The following CNTN4 variants were observed in gnomAD, a reference collection of about 807,000 sequenced individuals.
CNTN4 encodes contactin 4.
A neutral mutation model predicts 122.5 loss-of-function variants in CNTN4; 77 were observed. That is an observed-to-expected ratio of 0.63 (90% CI 0.52 to 0.76). CNTN4 has a LOEUF of 0.76. CNTN4 is among the 30% of genes least tolerant of loss of function. The probability of loss-of-function intolerance (pLI) is 0.00; values close to 1 mark genes in which losing one functional copy is unlikely to be tolerated. For missense variants in CNTN4, 1,256 were observed against 1,259.1 expected (o/e 1.00, Z 0.04); for synonymous variants, 512 against 447.0 (o/e 1.15, Z -1.83).
intron 4 of CNTN4, among the ~76,000 whole-genome samples, chr3:2,677,174 T>TAGAC (rs2084900263): frequency 6.6e-6 from 1 of 150,422 alleles, no homozygotes; most frequent in African/African-American, 2.4e-5. Context: ...GATAGATAGA[T>TAGAC]GTGTATATAT....
At chr3:2,671,293 T>G (rs2084498605) in intron 4 of CNTN4, among the ~76,000 whole-genome samples, 1 of 152,220 alleles carries the variant, frequency 6.6e-6, no homozygotes, top group South Asian at 2.1e-4. Context: ...TCATTTCATT[T>G]TATTCTTTTT....
At chr3:2,608,346 G>A (rs1198174921) in intron 4 of CNTN4, among the ~76,000 whole-genome samples, 1 of 152,168 alleles carries the variant, frequency 6.6e-6, no homozygotes, top group South Asian at 2.1e-4. Context: ...TGCAGCCCCA[G>A]CTACTCAGGA....
chr3:2,119,133 A>G (rs1413548083), intron 2 of CNTN4, among the ~76,000 whole-genome samples: 1 of 152,190 alleles, frequency 6.6e-6, no homozygotes, highest in East Asian at 1.9e-4. Flanking sequence ...AAAAAAACTG[A>G]TCTCCCAGGA....
chr3:2,661,169 G>A (rs1006091548), intron 4 of CNTN4, among the ~76,000 whole-genome samples: 1 of 152,170 alleles, frequency 6.6e-6, no homozygotes, highest in East Asian at 1.9e-4. Context: ...AGACTAAGAT[G>A]ACAAAGGAAA....
Position 3,050,763 on chromosome 3 carries a change from C to CAAAA in CNTN4, c.2812-3027_2812-3024dup, listed in dbSNP as rs1184756504. 1.5e-4 allele frequency among the ~76,000 whole-genome samples: 13 copies of CAAAA among 85,006 alleles called. 1 individual carries two copies. Among genetic ancestry groups the CAAAA allele is most frequent in the Non-Finnish European group, 1.9e-4 (9 of 47,408 alleles). 55.8% of individuals were successfully genotyped at this position (85,006 alleles called of 152,430 possible). A position where few individuals can be genotyped will look rare whatever the true frequency, so the allele number is the denominator to read the frequency against. ...GGGCAATAAGAGTGAAACTCCGTCT[C>CAAAA]AAAAAAAAAAAAAAAAAAAATCCAG... On this transcript the variant is annotated intron_variant, in intron 23 of 24. Coordinates refer to ENST00000418658, the MANE Select transcript of CNTN4 (RefSeq NM_175607.3).
intron 3 of CNTN4, among the ~76,000 whole-genome samples, chr3:2,565,589 T>C (rs1164501814): frequency 1.3e-5 from 2 of 152,210 alleles, no homozygotes; most frequent in Admixed American, 6.5e-5. Flanking sequence ...TCCTATCCAA[T>C]TGAGCTGTAG....
chr3:2,590,977 A>G (rs1477725746), intron 4 of CNTN4, among the ~76,000 whole-genome samples: 2 of 152,190 alleles, frequency 1.3e-5, no homozygotes, highest in African/African-American at 4.8e-5. Context: ...TGAAATCATC[A>G]TCAATATTCG....
chr3:2,346,395 T>G (rs962871478), intron 3 of CNTN4, among the ~76,000 whole-genome samples: 3 of 152,074 alleles, frequency 2.0e-5, no homozygotes, highest in African/African-American at 7.2e-5. Context: ...ATTATTATAT[T>G]TAATACATTC....
intron 7 of CNTN4, among the ~76,000 whole-genome samples, chr3:2,858,753 T>C (rs1289655404): frequency 6.6e-6 from 1 of 151,932 alleles, no homozygotes; most frequent in Non-Finnish European, 1.5e-5. Context: ...TATCAAGATA[T>C]ATATTTGATT....
At chr3:2,820,995 T>C (rs1361773568) in intron 7 of CNTN4, among the ~76,000 whole-genome samples, 1 of 130,076 alleles carries the variant, frequency 7.7e-6, no homozygotes, top group African/African-American at 3.0e-5. Context: ...AGAGTCTCGC[T>C]TTGTCACCCA....
chr3:2,943,793 T>G (rs1001726810), intron 13 of CNTN4, among the ~76,000 whole-genome samples: 15 of 151,308 alleles, frequency 9.9e-5, no homozygotes, highest in African/African-American at 3.6e-4. Flanking sequence ...CCAGCTAATT[T>G]TTGTATTTAT....
intron 2 of CNTN4, among the ~76,000 whole-genome samples, chr3:2,239,795 C>G (rs1164807410): frequency 6.6e-6 from 1 of 152,130 alleles, no homozygotes; most frequent in African/African-American, 2.4e-5. Context: ...TTTATTTGGT[C>G]ACCAGTGTTC....
intron 7 of CNTN4, among the ~76,000 whole-genome samples, chr3:2,857,215 A>G (rs755531867): frequency 1.3e-5 from 2 of 152,180 alleles, no homozygotes; most frequent in Non-Finnish European, 2.9e-5. Flanking sequence ...TTCTCCTGCT[A>G]CTTGAGAAAA....
chr3:2,792,722 T>C (rs905533635), intron 6 of CNTN4, among the ~76,000 whole-genome samples: 4 of 152,224 alleles, frequency 2.6e-5, no homozygotes, highest in Non-Finnish European at 4.4e-5. Flanking sequence ...GGGTGTTTTG[T>C]TATAACTTCA....
intron 2 of CNTN4, among the ~76,000 whole-genome samples, chr3:2,224,821 A>G (rs1051966895): frequency 1.3e-5 from 2 of 152,164 alleles, no homozygotes; most frequent in African/African-American, 4.8e-5. Context: ...TAAAAGTCAT[A>G]TTAGATACTC....
intron 13 of CNTN4, among the ~76,000 whole-genome samples, chr3:2,949,993 A>G (rs1162535238): frequency 1.3e-5 from 2 of 152,262 alleles, no homozygotes; most frequent in East Asian, 1.9e-4. Context: ...AAGAAGTTGA[A>G]TATCTACAAT....
At chr3:2,895,657 T>A (rs889923929) in intron 10 of CNTN4, among the ~76,000 whole-genome samples, 17 of 152,160 alleles carry the variant, frequency 1.1e-4, no homozygotes, top group Non-Finnish European at 1.6e-4. Flanking sequence ...GTGAATGAAG[T>A]ACAAATTAAC....
chr3:2,964,377 A>G (rs924012006), intron 13 of CNTN4, among the ~76,000 whole-genome samples: 3 of 152,172 alleles, frequency 2.0e-5, no homozygotes, highest in Admixed American at 6.5e-5. Context: ...TCAGACTTCA[A>G]ATGATACATG....
At chr3:2,347,409 T>TTA in intron 3 of CNTN4, among the ~76,000 whole-genome samples, 1 of 89,608 alleles carries the variant, frequency 1.1e-5, no homozygotes, top group Non-Finnish European at 2.3e-5. Context: ...GGAAATACAA[T>TTA]CTTTTTTTTT....
Sources: allele counts gnomAD v4.1 joint callset (sites outside exome capture counted in the v4.1 genomes callset), GRCh38; gene constraint gnomAD v4.1.1; transcripts MANE v1.5; gene names NCBI Gene and HGNC (gene_info 2026-07-23, HGNC 2026-07-21).